Variants in NUP188 observed in about 807,000 individuals in gnomAD.
NUP188 encodes nucleoporin NUP188.
NUP188 carries 97 observed loss-of-function variants against 223.0 expected under a neutral mutation model. The observed-to-expected ratio is 0.43, with a 90% CI of 0.37 to 0.51. NUP188 has a LOEUF of 0.51. Ranked by LOEUF, NUP188 falls within the 20% of genes least tolerant of loss-of-function variation. NUP188 has a pLI of 0.00. For synonymous variants in NUP188, 869 were observed against 828.0 expected (o/e 1.05, Z -0.85); for missense variants, 1,947 against 2,175.6 (o/e 0.89, Z 2.09).
Position 128,987,624 on chromosome 9 carries a change from G to T in NUP188, c.2300G>T (p.Ser767Ile), listed in dbSNP as rs1842356307. Reference sequence around the variant, plus strand: ...AGCCTGCAGTTTCTCTGCATCTGCAGCCTGGCATACACAGAAGCAGGACAG... The same window carrying T: ...AGCCTGCAGTTTCTCTGCATCTGCATCCTGGCATACACAGAAGCAGGACAG... ...TPSLQFLCICSLAYTEAGQTV... is the reference protein window; with the variant it reads ...TPSLQFLCICILAYTEAGQTV... The change falls in exon 23 of 44, where the codon AGC becomes ATC. Residue 767 changes from serine (S) to isoleucine (I), a missense_variant. Transcript: ENST00000372577. 6.2e-7 allele frequency: 1 copy of T among 1,613,694 alleles called. No individual in the cohort carries two copies. The highest frequency in any genetic ancestry group is 8.5e-7 in the Non-Finnish European group (1 of 1,179,870).
chr9:129,002,770 C>T (rs1410329637), intron 36 of NUP188, 47 bp from the exon 37 acceptor site: 1 of 1,591,318 alleles, frequency 6.3e-7, no homozygotes, highest in Non-Finnish European at 8.6e-7. Flanking sequence ...CAAGGAGGTC[C>T]TGCCTCTCAG....
In NUP188 at chr9:129,001,591, C is replaced by T. The variant is rs149798379; in HGVS notation, c.3906C>T (p.Ser1302=). The change falls in exon 35 of 44, where the codon TCC becomes TCT. Residue 1302 remains serine (S), a synonymous_variant. Transcript: ENST00000372577. ...ELCEVDEDGD[S]WLQVTRRLPI... is the part of the protein sequence containing the mutation. ...GTGAGGTAGACGAGGATGGTGACTC[C>T]TGGCTGCAGGTAACCCGCAGGCTCC... 13 of 1,613,970 alleles carry T rather than the reference C, an allele frequency of 8.1e-6. No homozygotes were observed. The highest frequency in any genetic ancestry group is 1.6e-4 in the Middle Eastern group (1 of 6,084).
At chr9:128,962,544 C>T (rs963771263) in intron 8 of NUP188, among the ~76,000 whole-genome samples, 31 of 152,102 alleles carry the variant, frequency 2.0e-4, no homozygotes, top group Admixed American at 1.4e-3. Context: ...CCACTGTGCC[C>T]GGCACACCAT....
chr9:128,960,864 C>T lies in NUP188; in HGVS notation c.585+1730C>T, dbSNP rs185936518. ...CTTTGGGAGGCCAAGGTGGGCGGAT[C>T]GCTTGAGGTCAGGAGTTCAAAACCA... is the stretch of plus-strand genomic sequence containing the variant. On this transcript the variant is annotated intron_variant, in intron 8 of 43. Transcript: ENST00000372577. Among the ~76,000 whole-genome samples, 27 of 152,102 alleles carry T rather than the reference C, an allele frequency of 1.8e-4. No homozygotes were observed. In the East Asian group the frequency reaches 5.0e-3, roughly 28 times the overall value.
intron 6 of NUP188, 28 bp from the exon 7 acceptor site, chr9:128,958,774 A>C: frequency 7.4e-7 from 1 of 1,344,270 alleles, no homozygotes; most frequent in African/African-American, 1.4e-5. Flanking sequence ...AAAGGTGAGT[A>C]ACTGATTTTG....
intron 8 of NUP188, among the ~76,000 whole-genome samples, chr9:128,966,260 C>CTGTG (rs10616823): frequency 0.012 from 1,622 of 139,644 alleles, 18 homozygotes; most frequent in Non-Finnish European, 0.02. Context: ...GTCTCTGTGT[C>CTGTG]TGTGTGTGTG....
chr9:128,961,717 G>A (rs1197062974), intron 8 of NUP188, among the ~76,000 whole-genome samples: 2 of 150,742 alleles, frequency 1.3e-5, no homozygotes, highest in South Asian at 2.1e-4. Flanking sequence ...CGCCTCCCAG[G>A]TTCAAGTGAT....
At position 128,999,649 on chromosome 9, in the gene NUP188, G is replaced by T. The variant is rs1337467305; in HGVS notation, c.3687G>T (p.Gln1229His). The T allele has an allele frequency of 6.2e-7, 1 of 1,613,994 alleles. No individual in the cohort carries two copies. The highest frequency in any genetic ancestry group is 8.5e-7 in the Non-Finnish European group (1 of 1,180,048). The change falls in exon 34 of 44, where the codon CAG (glutamine) becomes CAT (histidine). Residue 1229 changes from glutamine (Q) to histidine (H), a missense_variant. By Grantham distance (24) the Gln-to-His change is conservative (BLOSUM62 0). This residue lies in a region of NUP188 where 905 missense variants were observed against 990.6 expected (regional missense o/e 0.91). Transcript: ENST00000372577. Reference protein sequence around the residue: ...MKVSDIPQYSQLVLNVCETLQ... With the variant: ...MKVSDIPQYSHLVLNVCETLQ... ...TAAGTGACATCCCCCAGTACTCCCA[G>T]CTGGTGCTGAATGTCTGTGAGACCC...
chr9:129,003,978 G>GAA (rs1223358209), intron 38 of NUP188: 132 of 114,704 alleles, frequency 1.2e-3, no homozygotes, highest in South Asian at 4.3e-3. Flanking sequence ...GTCCCAAAAA[G>GAA]AAAAAAAAAA....
intron 8 of NUP188, among the ~76,000 whole-genome samples, chr9:128,960,807 G>A (rs574064060): frequency 7.9e-5 from 12 of 152,086 alleles, no homozygotes; most frequent in African/African-American, 2.2e-4. Context: ...AAAATTGGTG[G>A]GGCACGGTGG....
chr9:128,996,149 AT>A (rs879374754), intron 30 of NUP188, among the ~76,000 whole-genome samples: 5,138 of 142,740 alleles, frequency 0.036, 260 homozygotes, highest in African/African-American at 0.12. Context: ...ATCCAGATTA[AT>A]TTTTTTTTTT....
At chr9:129,003,771 G>A (rs1054334115) in intron 38 of NUP188, 1 of 365,454 alleles carries the variant, frequency 2.7e-6, no homozygotes, top group South Asian at 2.3e-5. Context: ...TCAGGAGTTC[G>A]AGATCAGCCT....
chr9:128,998,805 G>T (rs1432187055), intron 32 of NUP188, among the ~76,000 whole-genome samples, 182 bp downstream of exon 32: 1 of 151,974 alleles, frequency 6.6e-6, no homozygotes, highest in Non-Finnish European at 1.5e-5. Context: ...TGGAGCAGGG[G>T]CAGTGTGTGG....
intron 22 of NUP188, among the ~76,000 whole-genome samples, chr9:128,987,088 A>AGAGAGAGTGAGT (rs1450678206): frequency 3.4e-4 from 39 of 113,338 alleles, no homozygotes; most frequent in African/African-American, 1.3e-3. Flanking sequence ...AGAGAGAGAG[A>AGAGAGAGTGAGT]GTGTGTGTGT....
chr9:128,957,881 G>A (rs2131142408), intron 5 of NUP188, 129 bp from the exon 6 acceptor site: 1 of 698,042 alleles, frequency 1.4e-6, no homozygotes, highest in Non-Finnish European at 2.4e-6. Flanking sequence ...AAAAAGTAAG[G>A]TGGAAAGTAT....
chr9:128,951,478 C>CA (rs1442429769), intron 2 of NUP188, among the ~76,000 whole-genome samples: 2 of 152,024 alleles, frequency 1.3e-5, no homozygotes, highest in Admixed American at 6.6e-5. Context: ...GACCCTGTCT[C>CA]AAAAAACAAC....
Position 128,993,297 on chromosome 9 carries a change from T to G in NUP188, c.2741T>G (p.Ile914Ser). Residue 914 changes from isoleucine to serine, a missense_variant, in exon 26 of 44, where the codon ATC becomes AGC. Physicochemically the swap from Ile to Ser is moderately radical, Grantham distance 142. This residue lies in a region of NUP188 where 225 missense variants were observed against 319.1 expected (regional missense o/e 0.71). Coordinates refer to ENST00000372577, the MANE Select transcript of NUP188 (RefSeq NM_015354.3). ...RLQSKIEDMR[I>S]KVMILEFLTV... ...CAGAGCAAAATTGAGGACATGCGCA[T>G]CAAAGTCATGATTCTAGAGTTCCTC... The G allele has an allele frequency of 6.2e-7, 1 of 1,614,156 alleles. No homozygotes were observed. Among genetic ancestry groups the G allele is most frequent in the Non-Finnish European group, 8.5e-7 (1 of 1,180,002 alleles).
intron 12 of NUP188, among the ~76,000 whole-genome samples, chr9:128,978,993 G>A (rs749981407): frequency 1.3e-5 from 2 of 152,080 alleles, no homozygotes; most frequent in African/African-American, 2.4e-5. Context: ...TATAGGGGTG[G>A]CCCCCACACC....
intron 8 of NUP188, 136 bp from the exon 9 acceptor site, chr9:128,968,370 G>C (rs1842060731): frequency 1.5e-6 from 1 of 666,694 alleles, no homozygotes; most frequent in Non-Finnish European, 2.6e-6. Flanking sequence ...GCGTGTAGCA[G>C]TTTGAGCAGC....
Sources: gnomAD v4.1 joint callset for allele counts (sites outside exome capture counted in the v4.1 genomes callset) on GRCh38, gnomAD v4.1.1 for gene constraint, gnomAD v4.1.1 regional missense constraint, MANE v1.5 for transcripts, NCBI Gene and HGNC (gene_info 2026-07-23, HGNC 2026-07-21) for gene names.